BTBD9: variants seen among roughly 807,000 people sequenced by gnomAD.
BTBD9 encodes the protein BTB/POZ domain-containing protein 9.
A neutral mutation model predicts 64.3 loss-of-function variants in BTBD9; 49 were observed. That is an observed-to-expected ratio of 0.76 (90% CI 0.61 to 0.97). BTBD9 has a LOEUF of 0.97. BTBD9 is among the 50% of genes least tolerant of loss of function. The pLI, the probability that BTBD9 is intolerant of heterozygous loss-of-function variation, is 0.00. For synonymous variants in BTBD9, 260 were observed against 274.7 expected (o/e 0.95, Z 0.53); for missense variants, 598 against 762.1 (o/e 0.78, Z 2.53).
At chr6:38,555,045 C>A (rs1774956284) in intron 6 of BTBD9, among the ~76,000 whole-genome samples, 1 of 152,180 alleles carries the variant, frequency 6.6e-6, no homozygotes, top group African/African-American at 2.4e-5. Context: ...CCCTCCAGTA[C>A]CCCCAAACTG....
rs1190108903 is a variant in BTBD9 at position 38,175,196 on chromosome 6, G to A, written c.1642-14C>T. 3 of 1,613,916 alleles carry A rather than the reference G, an allele frequency of 1.9e-6. No homozygotes were observed. Among genetic ancestry groups the A allele is most frequent in the South Asian group, 2.2e-5 (2 of 91,080 alleles). ...ACAGTGGAACACCTGGGAGAGAAAA[G>A]GAAAAGACCCCATGAGTGAAGGGTC... On this transcript the variant is annotated splice_polypyrimidine_tract_variant and intron_variant, in intron 10 of 10. Coordinates refer to ENST00000481247, the MANE Select transcript of BTBD9 (RefSeq NM_001099272.2).
intron 6 of BTBD9, among the ~76,000 whole-genome samples, chr6:38,559,316 TTACAATA>T (rs1775165876): frequency 6.6e-6 from 1 of 152,014 alleles, no homozygotes; most frequent in Admixed American, 6.6e-5. Context: ...GCAATCCCAT[TTACAATA>T]GTCACACACA....
chr6:38,461,187 GAAAC>G (rs1770069380), intron 6 of BTBD9, among the ~76,000 whole-genome samples: 1 of 152,176 alleles, frequency 6.6e-6, no homozygotes, highest in African/African-American at 2.4e-5. Flanking sequence ...AGGATTAATG[GAAAC>G]AAACTGTACG....
At chr6:38,591,740 C>T (rs1032518410) in intron 4 of BTBD9, among the ~76,000 whole-genome samples, 1 of 152,064 alleles carries the variant, frequency 6.6e-6, no homozygotes, top group African/African-American at 2.4e-5. Context: ...AGGACCTGTT[C>T]TTGATACATA....
At chr6:38,228,346 C>T (rs1344043461) in intron 9 of BTBD9, among the ~76,000 whole-genome samples, 1 of 69,126 alleles carries the variant, frequency 1.4e-5, no homozygotes, top group African/African-American at 4.9e-5. Flanking sequence ...CCCTGTCCCC[C>T]CCCCCAAAAA....
intron 6 of BTBD9, among the ~76,000 whole-genome samples, chr6:38,451,037 T>G (rs910341284): frequency 6.6e-6 from 1 of 152,172 alleles, no homozygotes; most frequent in African/African-American, 2.4e-5. Context: ...AGTCTACCCA[T>G]TCCTTCAAGA....
At chr6:38,567,435 C>T (rs1775572020) in intron 6 of BTBD9, among the ~76,000 whole-genome samples, 1 of 152,106 alleles carries the variant, frequency 6.6e-6, no homozygotes, top group Admixed American at 6.6e-5. Context: ...AGTAAGGCCG[C>T]TAAAGAAAAT....
intron 6 of BTBD9, among the ~76,000 whole-genome samples, chr6:38,480,497 T>C (rs189538742): frequency 5.6e-4 from 86 of 152,344 alleles, no homozygotes; most frequent in African/African-American, 2.0e-3. Context: ...AATCTGCTTT[T>C]AGCCTCTCAT....
At chr6:38,382,872 G>GT (rs1765998438) in intron 6 of BTBD9, among the ~76,000 whole-genome samples, 1 of 152,130 alleles carries the variant, frequency 6.6e-6, no homozygotes. Flanking sequence ...TAGAAAACCA[G>GT]TGTGGTGCTA....
chr6:38,374,123 G>A (rs1412158044), intron 6 of BTBD9, among the ~76,000 whole-genome samples: 1 of 150,346 alleles, frequency 6.7e-6, no homozygotes, highest in African/African-American at 2.5e-5. Context: ...TACAAAATTA[G>A]CCAGGTGTGG....
At chr6:38,497,768 C>T (rs970927061) in intron 6 of BTBD9, among the ~76,000 whole-genome samples, 1 of 152,208 alleles carries the variant, frequency 6.6e-6, no homozygotes, top group African/African-American at 2.4e-5. Context: ...TGCTACAAAA[C>T]TCCAACTACT....
At chr6:38,412,265 G>A (rs76424092) in intron 6 of BTBD9, among the ~76,000 whole-genome samples, 5 of 152,176 alleles carry the variant, frequency 3.3e-5, no homozygotes, top group African/African-American at 4.8e-5. Context: ...ATAAAGAACT[G>A]AAGCCTGTGT....
At chr6:38,367,284 T>C (rs975204548) in intron 6 of BTBD9, among the ~76,000 whole-genome samples, 2 of 152,176 alleles carry the variant, frequency 1.3e-5, no homozygotes, top group Non-Finnish European at 2.9e-5. Context: ...AAGCAACACA[T>C]AAAAGAATTA....
Position 38,171,846 on chromosome 6 carries a change from C to CAAAAAAAAAAAAAAAAAAA in BTBD9, c.*3120_*3138dup, listed in dbSNP as rs869155666. On this transcript the variant is annotated 3_prime_UTR_variant, in exon 11 of 11. Coordinates refer to ENST00000481247, the MANE Select transcript of BTBD9 (RefSeq NM_001099272.2). ...TCCAATGAAGTTGCCTTTCTACTCT[C>CAAAAAAAAAAAAAAAAAAA]AAAAAAAAAAAAAAAAAAAAAAAAA... The CAAAAAAAAAAAAAAAAAAA allele has an allele frequency of 8.8e-5, 7 of 79,208 alleles. No homozygotes were observed. Among genetic ancestry groups the CAAAAAAAAAAAAAAAAAAA allele is most frequent in the Non-Finnish European group, 1.3e-4 (6 of 45,696 alleles). The allele number at this position is 79,208 out of a possible 1,614,324, so 4.9% of individuals were successfully genotyped here.
intron 8 of BTBD9, among the ~76,000 whole-genome samples, chr6:38,266,450 G>A (rs1010479992): frequency 2.8e-4 from 43 of 152,042 alleles, no homozygotes; most frequent in Admixed American, 2.8e-3. Context: ...GCGTGCACCT[G>A]TAATCCCAGT....
At chr6:38,506,379 T>C (rs1045130847) in intron 6 of BTBD9, among the ~76,000 whole-genome samples, 2 of 152,230 alleles carry the variant, frequency 1.3e-5, no homozygotes, top group African/African-American at 4.8e-5. Context: ...ATAAACAGTG[T>C]TGGATGCTCA....
intron 1 of BTBD9, among the ~76,000 whole-genome samples, chr6:38,615,487 C>A (rs1170257703): frequency 6.6e-6 from 1 of 152,146 alleles, no homozygotes; most frequent in African/African-American, 2.4e-5. Context: ...TCTGCTCCAG[C>A]CACACTGGCC....
intron 1 of BTBD9, among the ~76,000 whole-genome samples, chr6:38,623,528 C>A (rs1194242802): frequency 6.6e-6 from 1 of 152,216 alleles, no homozygotes. Flanking sequence ...GAGGCCTAGA[C>A]CTCCTCACTG....
At chr6:38,442,833 C>T (rs188135797) in intron 6 of BTBD9, among the ~76,000 whole-genome samples, 226 of 152,026 alleles carry the variant, frequency 1.5e-3, no homozygotes, top group African/African-American at 5.0e-3. Context: ...CCATACCCAG[C>T]TAAATTTGTA....
Sources: allele counts gnomAD v4.1 joint callset (sites outside exome capture counted in the v4.1 genomes callset), GRCh38; gene constraint gnomAD v4.1.1; transcripts MANE v1.5; gene names NCBI Gene and HGNC (gene_info 2026-07-23, HGNC 2026-07-21).